NEBL: variants seen among roughly 807,000 people sequenced by gnomAD.
The protein encoded by NEBL is LIM and SH3 protein 2.
NEBL carries 122 observed loss-of-function variants against 140.2 expected under a neutral mutation model. That is an observed-to-expected ratio of 0.87 (90% CI 0.75 to 1.01). The LOEUF is 1.01. Among genes scored for constraint, NEBL ranks in the 50% least tolerant of loss-of-function variants. The pLI is 0.00. For synonymous variants in NEBL, 436 were observed against 398.9 expected (o/e 1.09, Z -1.11); for missense variants, 1,365 against 1,231.3 (o/e 1.11, Z -1.62).
chr10:20,942,928 G>C, intron 4 of NEBL, among the ~76,000 whole-genome samples: 1 of 152,186 alleles, frequency 6.6e-6, no homozygotes, highest in Non-Finnish European at 1.5e-5. Flanking sequence ...TCAGTAAAAA[G>C]TCAGGAAACA....
chr10:21,071,601 T>C (rs542662909), intron 2 of NEBL, among the ~76,000 whole-genome samples: 8 of 152,316 alleles, frequency 5.3e-5, no homozygotes, highest in African/African-American at 1.4e-4. Flanking sequence ...GAGACTCTAA[T>C]GCAGTGGCTG....
intron 4 of NEBL, among the ~76,000 whole-genome samples, chr10:20,903,879 G>T (rs1847978828): frequency 9.1e-6 from 1 of 109,838 alleles, no homozygotes; most frequent in South Asian, 2.4e-4. Flanking sequence ...AGGGAGAAGG[G>T]TAAGGGATTA....
chr10:20,888,559 T>C (rs1057359781), intron 3 of NEBL, among the ~76,000 whole-genome samples: 9 of 152,356 alleles, frequency 5.9e-5, no homozygotes, highest in East Asian at 3.9e-4. Flanking sequence ...GTCGTTAGAA[T>C]CTACTATCTA....
chr10:21,210,779 T>C (rs567666056), intron 3 of NEBL, among the ~76,000 whole-genome samples: 5 of 152,360 alleles, frequency 3.3e-5, no homozygotes, highest in African/African-American at 1.2e-4. Context: ...GAACATACGT[T>C]AAGATATCAT....
chr10:20,846,502 G>A (rs752216677), intron 11 of NEBL, among the ~76,000 whole-genome samples: 1 of 152,144 alleles, frequency 6.6e-6, no homozygotes, highest in Non-Finnish European at 1.5e-5. Context: ...GCCACAAGGA[G>A]AGAAACAAAG....
rs1367696278 is a variant in NEBL, at chr10:21,173,743, G to A, written c.69+22C>T. ...GCCCCTCGCCCGGCAGGTCCAGGCT[G>A]GCCCGGCGCCCCCTCGCTCACCTTA... On this transcript the variant is annotated intron_variant, in intron 1 of 6. Transcript: ENST00000417816. This position sits in a 1 kb window ranked among gnomAD's most constrained non-coding sequence, Gnocchi z 5.7. 3 of 1,611,856 alleles carry A rather than the reference G, an allele frequency of 1.9e-6. No individual in the cohort carries two copies. The highest frequency in any genetic ancestry group is 1.7e-6 in the Non-Finnish European group (2 of 1,179,570).
rs137939143 is a variant in NEBL, at chr10:21,208,714, C to T, written n.349-36237G>A. On this transcript the variant is annotated intron_variant and non_coding_transcript_variant, in intron 3 of 8. Coordinates refer to the NEBL transcript ENST00000675702. ...GTTCTTGCTGCAGGTGGGGAGAGCA[C>T]GAGCAAGGAGCAGGCCTGGAAGTCA... Among the ~76,000 whole-genome samples, 746 of 152,218 alleles carry T rather than the reference C, an allele frequency of 4.9e-3. 3 individuals carry two copies. The highest frequency in any genetic ancestry group is 0.018 in the African/African-American group (728 of 41,538).
intron 2 of NEBL, among the ~76,000 whole-genome samples, chr10:21,022,897 G>A (rs976596269): frequency 2.6e-5 from 4 of 152,196 alleles, no homozygotes; most frequent in African/African-American, 7.2e-5. Context: ...TGATTCAAAC[G>A]AGTAAGGTGT....
intron 2 of NEBL, among the ~76,000 whole-genome samples, chr10:21,103,236 G>A (rs1837556149): frequency 7.1e-6 from 1 of 141,470 alleles, no homozygotes; most frequent in Non-Finnish European, 1.5e-5. Context: ...TTTTTGAGAT[G>A]GAGTCTCACT....
chr10:21,282,906 C>T (rs1187571651), intron 1 of NEBL, among the ~76,000 whole-genome samples: 1 of 152,142 alleles, frequency 6.6e-6, no homozygotes, highest in Admixed American at 6.5e-5. Flanking sequence ...AGGCAGATCA[C>T]CTGAGGTTAA....
intron 16 of NEBL, among the ~76,000 whole-genome samples, chr10:20,829,509 C>T (rs56267980): frequency 0.23 from 35,400 of 151,102 alleles, 4,645 homozygotes; most frequent in East Asian, 0.39. Flanking sequence ...GTGGGTGCAG[C>T]GCACCAGCAT....
At chr10:21,078,929 C>G (rs1373544874) in intron 2 of NEBL, among the ~76,000 whole-genome samples, 4 of 152,208 alleles carry the variant, frequency 2.6e-5, no homozygotes, top group African/African-American at 9.6e-5. Flanking sequence ...CTGATCCAAC[C>G]TTAATAAGCA....
chr10:20,935,277 C>T (rs1213696016), intron 4 of NEBL, among the ~76,000 whole-genome samples: 2 of 152,150 alleles, frequency 1.3e-5, no homozygotes, highest in Non-Finnish European at 2.9e-5. Context: ...AACATAGATT[C>T]ATTTCTGGAT....
intron 4 of NEBL, among the ~76,000 whole-genome samples, chr10:20,910,608 G>A (rs1848288600): frequency 6.6e-6 from 1 of 152,114 alleles, no homozygotes; most frequent in Non-Finnish European, 1.5e-5. Flanking sequence ...GGGGTGGGCA[G>A]TGGAAAGCAT....
chr10:21,115,930 G>A (rs919655804), intron 2 of NEBL, among the ~76,000 whole-genome samples: 4 of 151,796 alleles, frequency 2.6e-5, no homozygotes, highest in Admixed American at 1.3e-4. Flanking sequence ...CTGATGCTCC[G>A]TTAATTCTTT....
At chr10:21,251,962 C>G (rs946226884) in intron 1 of NEBL, among the ~76,000 whole-genome samples, 1 of 152,152 alleles carries the variant, frequency 6.6e-6, no homozygotes, top group East Asian at 1.9e-4. Flanking sequence ...TTCCCTCTCT[C>G]CCCATCTAAA....
At chr10:20,873,145 A>AG (rs1469837044) in intron 5 of NEBL, among the ~76,000 whole-genome samples, 1 of 152,186 alleles carries the variant, frequency 6.6e-6, no homozygotes, top group African/African-American at 2.4e-5. Context: ...CATCCATCAG[A>AG]GCTCAGGAAG....
chr10:21,152,758 G>C (rs1426409363), intron 2 of NEBL, among the ~76,000 whole-genome samples: 1 of 152,060 alleles, frequency 6.6e-6, no homozygotes, highest in Non-Finnish European at 1.5e-5. Flanking sequence ...CTTTCTGTTT[G>C]GAGAGAAAAG....
At chr10:21,235,861 C>T (rs1396527352) in intron 3 of NEBL, among the ~76,000 whole-genome samples, 1 of 152,140 alleles carries the variant, frequency 6.6e-6, no homozygotes, top group Admixed American at 6.5e-5. Context: ...ATGACACACC[C>T]ATCTCATCTG....
Sources: gnomAD v4.1 joint callset for allele counts (sites outside exome capture counted in the v4.1 genomes callset) on GRCh38, gnomAD v4.1.1 for gene constraint, Gnocchi (gnomAD v3.1) non-coding constraint, MANE v1.5 for transcripts, NCBI Gene and HGNC (gene_info 2026-07-23, HGNC 2026-07-21) for gene names.